MEI4: variants seen among roughly 807,000 people sequenced by gnomAD.
The protein encoded by MEI4 is meiotic double-stranded break formation protein 4.
In MEI4, 27 loss-of-function variants were observed where a neutral mutation model predicts 31.4. That is an observed-to-expected ratio of 0.86 (90% CI 0.63 to 1.19). MEI4 has a LOEUF of 1.19. Ranked by LOEUF, MEI4 falls within the 50% of genes most tolerant of loss-of-function variation. MEI4 has a pLI of 0.00. For synonymous variants in MEI4, 122 were observed against 145.4 expected, an observed-to-expected ratio of 0.84 and a Z score of 1.16; for missense variants, 329 against 398.9, an observed-to-expected ratio of 0.82 and a Z score of 1.49.
chr6:77,746,638 CGTGTGTGTGT>C (rs5877568), intron 2 of MEI4, among the ~76,000 whole-genome samples: 5,086 of 136,618 alleles, frequency 0.037, 278 homozygotes, highest in African/African-American at 0.12. Flanking sequence ...AAATATATGG[CGTGTGTGTGT>C]GTGTGTGTGT....
At chr6:77,780,691 T>A (rs1298901304) in intron 3 of MEI4, among the ~76,000 whole-genome samples, 1 of 152,188 alleles carries the variant, frequency 6.6e-6, no homozygotes, top group Non-Finnish European at 1.5e-5. Context: ...TTCCCCCATA[T>A]TTGAAACTAA....
chr6:77,667,115 T>G (rs1456956966), intron 1 of MEI4, among the ~76,000 whole-genome samples: 1 of 152,246 alleles, frequency 6.6e-6, no homozygotes, highest in African/African-American at 2.4e-5. Flanking sequence ...GAAAGCCACC[T>G]TCTCTGAATT....
intron 4 of MEI4, among the ~76,000 whole-genome samples, chr6:77,919,411 C>T (rs1231690539): frequency 4.6e-5 from 7 of 151,846 alleles, no homozygotes; most frequent in South Asian, 2.1e-4. Flanking sequence ...GGATACATAA[C>T]GAAATGAAGC....
chr6:77,730,147 C>T (rs570432611), intron 2 of MEI4, among the ~76,000 whole-genome samples: 11 of 152,030 alleles, frequency 7.2e-5, no homozygotes, highest in South Asian at 6.3e-4. Flanking sequence ...TGGGGCTAGA[C>T]GGTGGAGAGA....
At chr6:77,867,932 C>A (rs9352536) in intron 4 of MEI4, among the ~76,000 whole-genome samples, 1 of 151,906 alleles carries the variant, frequency 6.6e-6, no homozygotes, top group Middle Eastern at 3.4e-3. Context: ...ATGGATAAAA[C>A]TGGAAACCCT....
intron 3 of MEI4, among the ~76,000 whole-genome samples, chr6:77,819,192 A>G (rs772957171): frequency 6.6e-6 from 1 of 152,124 alleles, no homozygotes; most frequent in Non-Finnish European, 1.5e-5. Flanking sequence ...ATGTGTATTT[A>G]CCATTTCTAT....
intron 3 of MEI4, among the ~76,000 whole-genome samples, chr6:77,823,048 A>G (rs1050575982): frequency 6.6e-6 from 1 of 152,212 alleles, no homozygotes; most frequent in Non-Finnish European, 1.5e-5. Flanking sequence ...GAATGAATAC[A>G]TAACTAATTT....
intron 4 of MEI4, among the ~76,000 whole-genome samples, chr6:77,845,095 G>A (rs987652058): frequency 1.3e-5 from 2 of 151,886 alleles, no homozygotes; most frequent in East Asian, 1.9e-4. Context: ...GGTGACTTTC[G>A]ATGTCTTCAG....
At chr6:77,733,360 G>A (rs1767073210) in intron 2 of MEI4, among the ~76,000 whole-genome samples, 1 of 152,078 alleles carries the variant, frequency 6.6e-6, no homozygotes, top group Non-Finnish European at 1.5e-5. Flanking sequence ...TCTTGGGAGA[G>A]TGTATGTGTC....
chr6:77,908,005 T>G (rs1402438802), intron 4 of MEI4, among the ~76,000 whole-genome samples: 2 of 151,678 alleles, frequency 1.3e-5, no homozygotes, highest in Non-Finnish European at 2.9e-5. Context: ...TTTTTTTTTT[T>G]TCTTGTAAAT....
intron 4 of MEI4, among the ~76,000 whole-genome samples, chr6:77,886,996 AT>A (rs1214669982): frequency 7.7e-6 from 1 of 129,116 alleles, no homozygotes; most frequent in East Asian, 2.3e-4. Flanking sequence ...TTGTCAACTA[AT>A]TTTGGATTTG....
At chr6:77,699,563 CCTT>C (rs1319299414) in intron 2 of MEI4, among the ~76,000 whole-genome samples, 1 of 152,184 alleles carries the variant, frequency 6.6e-6, no homozygotes, top group Non-Finnish European at 1.5e-5. Context: ...TCGTCTGAAG[CCTT>C]CTTCTCTCAA....
chr6:77,808,592 T>G (rs1769498043), intron 3 of MEI4, among the ~76,000 whole-genome samples: 3 of 151,986 alleles, frequency 2.0e-5, no homozygotes, highest in Admixed American at 1.3e-4. Flanking sequence ...AAAAAGGAGG[T>G]CAGGCAACAG....
chr6:77,829,006 T>C lies in MEI4; in HGVS notation c.844T>C (p.Ser282Pro), dbSNP rs116566126. Residue 282 changes from serine (S) to proline (P), a missense_variant, in exon 4 of 5, where the codon TCT (serine) becomes CCT (proline). Transcript: ENST00000684080. ...CAGCTTGTTGAGAAAATCTATTATA[T>C]CTCTGCTTCTATCAGAAGTAAATGG... Reference protein sequence around the residue: ...NCSLLRKSIISLLLSEVNGFA... With the variant: ...NCSLLRKSIIPLLLSEVNGFA... 9.3e-4 allele frequency: 1,147 copies of C among 1,232,048 alleles called. 10 individuals carry two copies. The African/African-American group carries it at 0.015, about 16-fold the overall frequency. The allele number at this position is 1,232,048 out of a possible 1,614,324, so 76.3% of individuals were successfully genotyped here.
At chr6:77,804,999 A>C (rs553369666) in intron 3 of MEI4, among the ~76,000 whole-genome samples, 1 of 152,318 alleles carries the variant, frequency 6.6e-6, no homozygotes, top group East Asian at 1.9e-4. Context: ...ATGCCATTTT[A>C]ACTATAAAAC....
At position 77,697,530 on chromosome 6, in the gene MEI4, T is replaced by C. The variant is rs561428534; in HGVS notation, c.232+6627T>C. 4.4e-4 allele frequency among the ~76,000 whole-genome samples: 67 copies of C among 152,234 alleles called. 1 individual carries two copies. The highest frequency in any genetic ancestry group is 8.5e-4 in the Non-Finnish European group (58 of 68,046). On this transcript the variant is annotated intron_variant, in intron 2 of 4. Transcript: ENST00000684080. ...TCCCTTCATTTCGTTATGTACCCAG[T>C]AGTCATTCAGAAGCATGTTGTTCAG...
intron 4 of MEI4, among the ~76,000 whole-genome samples, chr6:77,919,589 C>G (rs1429374130): frequency 2.6e-5 from 4 of 151,724 alleles, no homozygotes; most frequent in Non-Finnish European, 4.4e-5. Context: ...ATTAAAAGAA[C>G]TACAAAAGCA....
intron 4 of MEI4, among the ~76,000 whole-genome samples, chr6:77,864,486 G>A (rs1204625818): frequency 3.3e-5 from 5 of 151,826 alleles, no homozygotes; most frequent in Admixed American, 1.3e-4. Context: ...GACAAAGAAG[G>A]CCATTACATA....
intron 4 of MEI4, among the ~76,000 whole-genome samples, chr6:77,909,056 T>C (rs1295537174): frequency 1.3e-5 from 2 of 152,112 alleles, no homozygotes; most frequent in African/African-American, 4.8e-5. Flanking sequence ...ATACATTCTT[T>C]TCAGCACCAC....
Sources: gnomAD v4.1 joint callset for allele counts (sites outside exome capture counted in the v4.1 genomes callset) on GRCh38, gnomAD v4.1.1 for gene constraint, MANE v1.5 for transcripts, NCBI Gene and HGNC (gene_info 2026-07-23, HGNC 2026-07-21) for gene names.